The following SGCZ variants were observed in gnomAD, a reference collection of about 807,000 sequenced individuals.
SGCZ encodes zeta-sarcoglycan.
SGCZ carries 40 observed loss-of-function variants against 41.3 expected under a neutral mutation model. The observed-to-expected ratio is 0.97, with a 90% CI of 0.75 to 1.26. The LOEUF is 1.26. Among genes scored for constraint, SGCZ ranks in the 50% most tolerant of loss-of-function variants. SGCZ has a pLI of 0.00. For missense variants in SGCZ, 552 were observed against 369.8 expected, an observed-to-expected ratio of 1.49 and a Z score of -4.04; for synonymous variants, 206 against 137.5, an observed-to-expected ratio of 1.50 and a Z score of -3.49.
At chr8:15,204,494 T>A (rs182933119) in intron 1 of SGCZ, among the ~76,000 whole-genome samples, 3 of 152,288 alleles carry the variant, frequency 2.0e-5, no homozygotes, top group Admixed American at 6.5e-5. Flanking sequence ...CTTACTTTCT[T>A]CCTAAAAATG....
chr8:15,028,896 A>C (rs535305040), intron 1 of SGCZ, among the ~76,000 whole-genome samples: 3 of 152,094 alleles, frequency 2.0e-5, no homozygotes, highest in East Asian at 1.9e-4. Flanking sequence ...TATATTCAAG[A>C]TAATTTAAAG....
At position 14,397,084 on chromosome 8, in the gene SGCZ, G is replaced by T. The variant is rs184228722; in HGVS notation, c.235-72880C>A. Among the ~76,000 whole-genome samples the T allele has an allele frequency of 1.4e-3, 213 of 152,084 alleles. 1 individual carries two copies. Among genetic ancestry groups the T allele is most frequent in the Admixed American group, 2.2e-3 (33 of 15,248 alleles). On this transcript the variant is annotated intron_variant, in intron 2 of 7. Transcript: ENST00000382080. ...TTTTACCTATTCCTCTCAACGTTAC[G>T]TAAATTTTAATACTGGTACTTACCA...
intron 3 of SGCZ, among the ~76,000 whole-genome samples, chr8:14,245,169 G>T (rs1454694931): frequency 1.3e-5 from 2 of 152,250 alleles, no homozygotes; most frequent in African/African-American, 4.8e-5. Context: ...CCTGTCTTGT[G>T]GCAGTTTTCA....
Position 14,882,800 on chromosome 8 carries a change from G to A in SGCZ, c.40-327874C>T, listed in dbSNP as rs749678468. ...CTCTGTCTTAGCTTTTTCCCTTTTCGCACCTGCACTAGACCCTGTCGGCTC... is the reference window on the plus strand; with the variant it reads ...CTCTGTCTTAGCTTTTTCCCTTTTCACACCTGCACTAGACCCTGTCGGCTC... On this transcript the variant is annotated intron_variant, in intron 1 of 7. Coordinates refer to ENST00000382080, the MANE Select transcript of SGCZ (RefSeq NM_139167.4). 6.0e-5 allele frequency among the ~76,000 whole-genome samples: 9 copies of A among 150,932 alleles called. No individual in the cohort carries two copies. In the South Asian group the frequency reaches 8.4e-4, roughly 14 times the overall value.
At chr8:14,954,992 G>C (rs1245291252) in intron 1 of SGCZ, among the ~76,000 whole-genome samples, 1 of 152,034 alleles carries the variant, frequency 6.6e-6, no homozygotes, top group African/African-American at 2.4e-5. Flanking sequence ...ATAAGATATA[G>C]GACATTTTCC....
At chr8:14,374,809 G>A (rs1205899361) in intron 2 of SGCZ, among the ~76,000 whole-genome samples, 2 of 152,198 alleles carry the variant, frequency 1.3e-5, no homozygotes, top group Admixed American at 1.3e-4. Context: ...AGCCAGGAAT[G>A]GATGTGGAAA....
At chr8:14,150,697 G>T (rs963536405) in intron 5 of SGCZ, among the ~76,000 whole-genome samples, 1 of 152,006 alleles carries the variant, frequency 6.6e-6, no homozygotes, top group Non-Finnish European at 1.5e-5. Context: ...AAGAGAAAAC[G>T]GTGTATCAAA....
chr8:14,536,131 A>G (rs983541782), intron 2 of SGCZ, among the ~76,000 whole-genome samples: 1 of 151,942 alleles, frequency 6.6e-6, no homozygotes, highest in African/African-American at 2.4e-5. Context: ...TTTGTTTAGC[A>G]TATACATATG....
In SGCZ at chr8:14,087,730, CT is replaced by C. The variant is rs145029918; in HGVS notation, c.*2712del. Among the ~76,000 whole-genome samples, 1 of 148,708 alleles carries C rather than the reference CT, an allele frequency of 6.7e-6. No homozygotes were observed. The highest frequency in any genetic ancestry group is 2.0e-4 in the East Asian group (1 of 5,092). On this transcript the variant is annotated 3_prime_UTR_variant, in exon 8 of 8. Coordinates refer to ENST00000382080, the MANE Select transcript of SGCZ (RefSeq NM_139167.4). ...CTATATTTTTAAAAAAAAAAAAATGCTTTTTTGTGTTTGAATGTGGAAAACG... is the reference window on the plus strand; with the variant it reads ...CTATATTTTTAAAAAAAAAAAAATGCTTTTTGTGTTTGAATGTGGAAAACG...
At chr8:14,694,346 C>A (rs1322014949) in intron 1 of SGCZ, among the ~76,000 whole-genome samples, 2 of 152,278 alleles carry the variant, frequency 1.3e-5, no homozygotes, top group African/African-American at 4.8e-5. Context: ...GGCAAAGAAT[C>A]TATTTTTCTG....
At chr8:14,196,091 G>A (rs1281763099) in intron 4 of SGCZ, among the ~76,000 whole-genome samples, 2 of 152,078 alleles carry the variant, frequency 1.3e-5, no homozygotes, top group East Asian at 3.9e-4. Flanking sequence ...AAATTCAGGA[G>A]AGGAGAAATG....
At chr8:14,157,062 T>C (rs1803896997) in intron 5 of SGCZ, among the ~76,000 whole-genome samples, 1 of 152,124 alleles carries the variant, frequency 6.6e-6, no homozygotes, top group South Asian at 2.1e-4. Context: ...CTGTATGTGC[T>C]ATAGTTTTCT....
intron 1 of SGCZ, among the ~76,000 whole-genome samples, chr8:14,871,164 A>G (rs1170022027): frequency 2.0e-5 from 3 of 152,098 alleles, no homozygotes; most frequent in Non-Finnish European, 4.4e-5. Context: ...CCAAGATCAC[A>G]TCATTGCACT....
intron 1 of SGCZ, among the ~76,000 whole-genome samples, chr8:15,070,770 C>T (rs1805321585): frequency 6.6e-6 from 1 of 152,136 alleles, no homozygotes; most frequent in African/African-American, 2.4e-5. Flanking sequence ...ATATAGTCTT[C>T]TAGTTGAATG....
At chr8:14,418,445 T>C (rs112944553) in intron 2 of SGCZ, among the ~76,000 whole-genome samples, 3,011 of 152,036 alleles carry the variant, frequency 0.02, 78 homozygotes, top group African/African-American at 0.053. Context: ...GGTAGTATGA[T>C]TGTATTTGTC....
intron 1 of SGCZ, among the ~76,000 whole-genome samples, chr8:15,072,054 C>T (rs1454851040): frequency 2.0e-5 from 3 of 152,108 alleles, no homozygotes; most frequent in Non-Finnish European, 2.9e-5. Context: ...TGTATCTTCT[C>T]GGTTTTCATA....
chr8:14,743,155 T>C (rs1028205948), intron 1 of SGCZ, among the ~76,000 whole-genome samples: 9 of 152,098 alleles, frequency 5.9e-5, no homozygotes, highest in Non-Finnish European at 2.9e-5. Flanking sequence ...ATTAATATGT[T>C]AGTGAATGCC....
intron 2 of SGCZ, among the ~76,000 whole-genome samples, chr8:14,479,174 A>G (rs1406813098): frequency 6.6e-6 from 1 of 152,214 alleles, no homozygotes; most frequent in African/African-American, 2.4e-5. Context: ...CCAAAACCTC[A>G]AAAGTAGTGA....
In SGCZ at chr8:14,609,749, C is replaced by T. The variant is rs115084457; in HGVS notation, c.40-54823G>A. ...TTTGGTACCTGAGCTGATAAAGGTG[C>T]TTTCTAAAAGAGCAGTGGTTTGTAT... is the stretch of plus-strand genomic sequence containing the variant. On this transcript the variant is annotated intron_variant, in intron 1 of 7. Coordinates refer to ENST00000382080, the MANE Select transcript of SGCZ (RefSeq NM_139167.4). Among the ~76,000 whole-genome samples the T allele has an allele frequency of 4.0e-3, 606 of 152,132 alleles. 4 individuals are homozygous for T. Among genetic ancestry groups the T allele is most frequent in the African/African-American group, 0.012 (496 of 41,520 alleles).
Sources: allele counts gnomAD v4.1 joint callset (sites outside exome capture counted in the v4.1 genomes callset), GRCh38; gene constraint gnomAD v4.1.1; transcripts MANE v1.5; gene names NCBI Gene and HGNC (gene_info 2026-07-23, HGNC 2026-07-21).